The following AUTS2 variants were observed in gnomAD, a reference collection of about 807,000 sequenced individuals.
The protein encoded by AUTS2 is activator of transcription and developmental regulator AUTS2, also known as autism susceptibility gene 2 protein.
Under a neutral mutation model 112.4 loss-of-function variants are expected in AUTS2, and 17 were observed. The observed-to-expected ratio is 0.15, with a 90% CI of 0.10 to 0.23. The LOEUF (loss-of-function observed/expected upper bound fraction) is 0.23. Among genes scored for constraint, AUTS2 ranks in the 10% least tolerant of loss-of-function variants. The pLI is 1.00. For missense variants in AUTS2, 1,510 were observed against 1,701.6 expected (o/e 0.89, Z 1.98); for synonymous variants, 751 against 702.7 (o/e 1.07, Z -1.09).
chr7:69,865,801 T>C (rs1477256887), intron 1 of AUTS2, among the ~76,000 whole-genome samples: 1 of 152,158 alleles, frequency 6.6e-6, no homozygotes, highest in Non-Finnish European at 1.5e-5. Flanking sequence ...CAATTTTTAT[T>C]TCCTGTCCAA....
chr7:69,806,913 GAA>G lies in AUTS2; in HGVS notation c.310-92370_310-92369del, dbSNP rs570730267. 1.4e-4 allele frequency among the ~76,000 whole-genome samples: 22 copies of G among 152,274 alleles called. No homozygotes were observed. In the South Asian group the frequency reaches 4.4e-3, roughly 30 times the overall value. ...GACTCTTCATCAGATTTGGTCGCGG[GAA>G]AAGAGGTTGTTGCTCTTCCTTAGAG... On this transcript the variant is annotated intron_variant, in intron 1 of 18. Transcript: ENST00000342771.
At chr7:69,957,232 AAC>A (rs1366406671) in intron 2 of AUTS2, among the ~76,000 whole-genome samples, 1 of 151,868 alleles carries the variant, frequency 6.6e-6, no homozygotes, top group Non-Finnish European at 1.5e-5. Flanking sequence ...AGAGAACATA[AAC>A]ACAGGGCAAC....
At chr7:70,691,899 A>G (rs1303673988) in intron 5 of AUTS2, among the ~76,000 whole-genome samples, 13 of 136,674 alleles carry the variant, frequency 9.5e-5, no homozygotes, top group African/African-American at 3.0e-4. Context: ...TTTTTGAGAT[A>G]AAGTCTTACT....
At chr7:70,252,688 A>G (rs998262465) in intron 4 of AUTS2, among the ~76,000 whole-genome samples, 3 of 152,014 alleles carry the variant, frequency 2.0e-5, no homozygotes, top group Non-Finnish European at 2.9e-5. Context: ...ACGTTTTCCT[A>G]TGTTTTTTTC....
chr7:69,879,902 C>A (rs1477330224), intron 1 of AUTS2, among the ~76,000 whole-genome samples: 3 of 152,186 alleles, frequency 2.0e-5, no homozygotes, highest in African/African-American at 7.2e-5. Context: ...CAGGCTTAGA[C>A]AATTCTACCA....
intron 1 of AUTS2, among the ~76,000 whole-genome samples, chr7:69,674,916 G>A (rs928346454): frequency 1.3e-5 from 2 of 152,218 alleles, no homozygotes; most frequent in Non-Finnish European, 2.9e-5. Context: ...TCCGAAGTGT[G>A]TGCACAGCAT....
intron 1 of AUTS2, among the ~76,000 whole-genome samples, chr7:69,714,678 C>T (rs564442888): frequency 1.3e-5 from 2 of 152,202 alleles, no homozygotes; most frequent in Admixed American, 6.5e-5. Flanking sequence ...CTTCTTTTAA[C>T]TCTTCTACTG....
chr7:70,106,915 T>A (rs1804795720), intron 2 of AUTS2, among the ~76,000 whole-genome samples: 1 of 152,228 alleles, frequency 6.6e-6, no homozygotes, highest in Non-Finnish European at 1.5e-5. Context: ...GGAGTGGTTT[T>A]TTTTTTATAC....
At chr7:70,243,438 G>A (rs1812736113) in intron 4 of AUTS2, among the ~76,000 whole-genome samples, 1 of 151,926 alleles carries the variant, frequency 6.6e-6, no homozygotes, top group African/African-American at 2.4e-5. Context: ...TATTATTTTG[G>A]GGGTCCAGGA....
intron 1 of AUTS2, among the ~76,000 whole-genome samples, chr7:69,649,009 G>A (rs1011094091): frequency 1.3e-5 from 2 of 152,144 alleles, no homozygotes; most frequent in Non-Finnish European, 2.9e-5. Flanking sequence ...TAAGTAGGTA[G>A]GAGCAACATT....
At chr7:70,049,127 A>C (rs987494233) in intron 2 of AUTS2, among the ~76,000 whole-genome samples, 1 of 152,148 alleles carries the variant, frequency 6.6e-6, no homozygotes, top group African/African-American at 2.4e-5. Context: ...AGTTAAATAG[A>C]CGACACTCCC....
At chr7:70,496,946 C>CT (rs1282939606) in intron 5 of AUTS2, among the ~76,000 whole-genome samples, 3 of 132,536 alleles carry the variant, frequency 2.3e-5, no homozygotes, top group South Asian at 2.6e-4. Context: ...ACACGCACAC[C>CT]CCACACATGC....
intron 1 of AUTS2, among the ~76,000 whole-genome samples, chr7:69,894,090 C>T (rs144839103): frequency 1.3e-5 from 2 of 152,200 alleles, no homozygotes; most frequent in East Asian, 3.9e-4. Context: ...TTCTCCAAAC[C>T]TATTCACATC....
At chr7:69,978,194 A>G (rs1431904916) in intron 2 of AUTS2, among the ~76,000 whole-genome samples, 3 of 152,280 alleles carry the variant, frequency 2.0e-5, no homozygotes, top group Non-Finnish European at 2.9e-5. Flanking sequence ...CTCCAGTTTA[A>G]GTTTACCTTG....
rs772292809 is a variant in AUTS2 at position 69,727,373 on chromosome 7, C to T, written c.309+127411C>T. The stretch of plus-strand genomic sequence containing the variant: ...TTGGGGGGATGAGGCGGGTGGATCA[C>T]GAGGTCAGGAGTTCAAGACCAGCCT... On this transcript the variant is annotated intron_variant, in intron 1 of 18. Transcript: ENST00000342771. 8.5e-4 allele frequency among the ~76,000 whole-genome samples: 130 copies of T among 152,056 alleles called. No homozygotes were observed. The Middle Eastern group carries it at 0.014, about 16-fold the overall frequency.
intron 5 of AUTS2, among the ~76,000 whole-genome samples, chr7:70,507,587 A>T (rs1172597287): frequency 6.6e-6 from 1 of 152,140 alleles, no homozygotes; most frequent in African/African-American, 2.4e-5. Context: ...ACCTGAGGTC[A>T]GGAGTTCAAG....
At chr7:70,446,634 C>T (rs1304980108) in intron 5 of AUTS2, among the ~76,000 whole-genome samples, 1 of 152,200 alleles carries the variant, frequency 6.6e-6, no homozygotes, top group Non-Finnish European at 1.5e-5. Context: ...TCCATTTTAC[C>T]TCTGCAGGCA....
chr7:70,133,892 T>C (rs1368632458), intron 3 of AUTS2, among the ~76,000 whole-genome samples: 1 of 152,332 alleles, frequency 6.6e-6, no homozygotes, highest in East Asian at 1.9e-4. Context: ...AAACTGGTAA[T>C]TCTTGTGACT....
intron 5 of AUTS2, among the ~76,000 whole-genome samples, chr7:70,469,984 AG>A (rs113553015): frequency 0.19 from 28,641 of 152,238 alleles, 2,806 homozygotes; most frequent in Middle Eastern, 0.24. Flanking sequence ...AGCTTAGCAC[AG>A]TGTGATGGGC....
Sources: gnomAD v4.1 joint callset for allele counts (sites outside exome capture counted in the v4.1 genomes callset) on GRCh38, gnomAD v4.1.1 for gene constraint, MANE v1.5 for transcripts, NCBI Gene and HGNC (gene_info 2026-07-23, HGNC 2026-07-21) for gene names.